TYW1B: variants seen among roughly 807,000 people sequenced by gnomAD.
The protein encoded by TYW1B is S-adenosyl-L-methionine-dependent tRNA 4-demethylwyosine synthase TYW1B.
In TYW1B, 73 loss-of-function variants were observed where a neutral mutation model predicts 86.9. That is an observed-to-expected ratio of 0.84 (90% CI 0.70 to 1.02). The LOEUF is 1.02. Among genes scored for constraint, TYW1B ranks in the 50% least tolerant of loss-of-function variants. TYW1B has a pLI of 0.00. For synonymous variants in TYW1B, 248 were observed against 292.8 expected (o/e 0.85, Z 1.56); for missense variants, 637 against 827.4 (o/e 0.77, Z 2.82).
At chr7:72,791,733 G>A (rs1243623499) in intron 6 of TYW1B, among the ~76,000 whole-genome samples, 2 of 152,092 alleles carry the variant, frequency 1.3e-5, no homozygotes, top group African/African-American at 2.4e-5. Context: ...GCGAGATGGC[G>A]CCACTGCACT....
At position 72,826,854 on chromosome 7, in the gene TYW1B, C is replaced by A. The variant is rs782788847; in HGVS notation, c.135+1G>T. 3.7e-6 allele frequency: 6 copies of A among 1,611,746 alleles called. No homozygotes were observed. The highest frequency in any genetic ancestry group is 4.2e-6 in the Non-Finnish European group (5 of 1,179,526). ...CTATTAAAAAAAATAACTCCACTTA[C>A]CTGCATCTCGATGACAATCTGGACA... On this transcript the variant is annotated splice_donor_variant, in intron 2 of 13. Transcript: ENST00000620995. LOFTEE classifies it high-confidence loss of function.
At chr7:72,605,141 G>T (rs1471182222) in intron 13 of TYW1B, among the ~76,000 whole-genome samples, 2 of 152,156 alleles carry the variant, frequency 1.3e-5, no homozygotes, top group African/African-American at 4.8e-5. Context: ...ATGTGGCATA[G>T]AATATGACAA....
rs144815724 is a variant in TYW1B at position 72,747,512 on chromosome 7, G to A, written c.965-2911C>T. ...ACATATTTTGTGAGTCTATTTCTGG[G>A]ATCTCTAGTCTCTCCCTTGATTTAT... is the stretch of plus-strand genomic sequence containing the variant. On this transcript the variant is annotated intron_variant, in intron 7 of 13. Transcript: ENST00000620995. Among the ~76,000 whole-genome samples the A allele has an allele frequency of 7.7e-4, 117 of 152,274 alleles. 1 individual carries two copies. Among genetic ancestry groups the A allele is most frequent in the African/African-American group, 2.5e-3 (105 of 41,556 alleles).
intron 7 of TYW1B, among the ~76,000 whole-genome samples, chr7:72,752,760 A>AAACAAAC (rs1787522627): frequency 2.2e-5 from 2 of 89,858 alleles, no homozygotes; most frequent in Non-Finnish European, 5.5e-5. Flanking sequence ...AACAAACAAA[A>AAACAAAC]AAACCTCATC....
intron 5 of TYW1B, among the ~76,000 whole-genome samples, chr7:72,806,768 C>G (rs1161858776): frequency 6.6e-6 from 1 of 151,958 alleles, no homozygotes; most frequent in African/African-American, 2.4e-5. Context: ...CTCCCAACTC[C>G]ACCTCCTACG....
At chr7:72,787,915 A>C (rs7792924) in intron 6 of TYW1B, among the ~76,000 whole-genome samples, 119,267 of 152,124 alleles carry the variant, frequency 0.78, 46,952 homozygotes, top group Non-Finnish European at 0.8. Context: ...TAAACTGTAC[A>C]TTTAGATCAC....
intron 7 of TYW1B, among the ~76,000 whole-genome samples, chr7:72,768,115 C>A (rs1787802940): frequency 6.6e-6 from 1 of 151,926 alleles, no homozygotes; most frequent in Non-Finnish European, 1.5e-5. Context: ...TTTTGCCAGG[C>A]ATGGTGGCAC....
At chr7:72,690,318 G>A (rs1226999752) in intron 11 of TYW1B, among the ~76,000 whole-genome samples, 1 of 152,018 alleles carries the variant, frequency 6.6e-6, no homozygotes, top group African/African-American at 2.4e-5. Flanking sequence ...AAAAAGGACT[G>A]TTTGACAAGT....
chr7:72,677,108 CTTCT>C (rs1813753774), intron 11 of TYW1B, among the ~76,000 whole-genome samples: 1 of 152,122 alleles, frequency 6.6e-6, no homozygotes, highest in African/African-American at 2.4e-5. Flanking sequence ...GGGTGAACTT[CTTCT>C]TTCTCTCTCT....
chr7:72,766,403 C>A (rs1370427588), intron 7 of TYW1B, among the ~76,000 whole-genome samples: 9 of 151,692 alleles, frequency 5.9e-5, no homozygotes, highest in African/African-American at 2.2e-4. Flanking sequence ...CACTTGAGGT[C>A]AGGAGTTCGA....
chr7:72,591,492 A>G (rs1811394681), intron 13 of TYW1B, among the ~76,000 whole-genome samples: 1 of 152,250 alleles, frequency 6.6e-6, no homozygotes, highest in Non-Finnish European at 1.5e-5. Flanking sequence ...TGGTCATAGA[A>G]GATTTCTAAT....
At chr7:72,743,296 T>C (rs7455518) in intron 8 of TYW1B, among the ~76,000 whole-genome samples, 104,634 of 151,700 alleles carry the variant, frequency 0.69, 37,039 homozygotes, top group Non-Finnish European at 0.77. Context: ...CAGGGGAAAC[T>C]GAAAAGAAAC....
intron 13 of TYW1B, among the ~76,000 whole-genome samples, chr7:72,578,749 A>G (rs1811081553): frequency 6.6e-6 from 1 of 152,212 alleles, no homozygotes; most frequent in Non-Finnish European, 1.5e-5. Context: ...TAGCGTGTAT[A>G]GTGGGTGAGG....
rs117976320 is a variant in TYW1B at position 72,828,150 on chromosome 7, C to T, written c.-75G>A. On this transcript the variant is annotated 5_prime_UTR_variant, in exon 1 of 14. Coordinates refer to ENST00000620995, the MANE Select transcript of TYW1B (RefSeq NM_001145440.3). Reference sequence around the variant, plus strand: ...AGGTTCGCACTGGTACTGCGAGACGCACCGAGCTACCTCGCGGCGTTAGCG... The same window carrying T: ...AGGTTCGCACTGGTACTGCGAGACGTACCGAGCTACCTCGCGGCGTTAGCG... 1.1e-5 allele frequency: 17 copies of T among 1,603,210 alleles called. No individual in the cohort carries two copies. The highest frequency in any genetic ancestry group is 1.3e-5 in the Non-Finnish European group (15 of 1,175,126).
chr7:72,581,799 ACT>A (rs1782323137), intron 13 of TYW1B, among the ~76,000 whole-genome samples: 1 of 144,802 alleles, frequency 6.9e-6, no homozygotes, highest in African/African-American at 2.6e-5. Context: ...AGGCGCAGAC[ACT>A]CTGTCACCCA....
intron 11 of TYW1B, among the ~76,000 whole-genome samples, chr7:72,677,860 C>T (rs1187578779): frequency 1.3e-5 from 2 of 152,052 alleles, no homozygotes; most frequent in East Asian, 3.9e-4. Context: ...TGCCACCATG[C>T]CCGGCTAATT....
At chr7:72,655,216 G>A (rs2129569307) in intron 11 of TYW1B, among the ~76,000 whole-genome samples, 1 of 152,180 alleles carries the variant, frequency 6.6e-6, no homozygotes, top group East Asian at 1.9e-4. Flanking sequence ...AGAGGGGAAA[G>A]GTAAGTGAGA....
intron 10 of TYW1B, among the ~76,000 whole-genome samples, chr7:72,698,531 A>G (rs549640098): frequency 6.6e-6 from 1 of 152,042 alleles, no homozygotes; most frequent in African/African-American, 2.4e-5. Flanking sequence ...CTGTAATCCC[A>G]GCTACTCAGG....
chr7:72,706,311 C>T (rs375959976), intron 10 of TYW1B, among the ~76,000 whole-genome samples: 15 of 151,536 alleles, frequency 9.9e-5, no homozygotes, highest in East Asian at 5.8e-4. Flanking sequence ...CCTGTAATCC[C>T]AGCTACCTGG....
Sources: gnomAD v4.1 joint callset for allele counts (sites outside exome capture counted in the v4.1 genomes callset) on GRCh38, gnomAD v4.1.1 for gene constraint, MANE v1.5 for transcripts, NCBI Gene and HGNC (gene_info 2026-07-23, HGNC 2026-07-21) for gene names.